Variants in RBFOX2 observed in about 807,000 individuals in gnomAD.
The protein encoded by RBFOX2 is RNA binding fox-1 homolog 2, also known as RNA binding protein fox-1 homolog 2.
Under a neutral mutation model 49.1 loss-of-function variants are expected in RBFOX2, and 10 were observed. That is an observed-to-expected ratio of 0.20 (90% CI 0.13 to 0.35). RBFOX2 has a LOEUF of 0.35. RBFOX2 is among the 10% of genes least tolerant of loss of function. The pLI is 1.00. For missense variants in RBFOX2, 323 were observed against 486.9 expected (o/e 0.66, Z 3.17); for synonymous variants, 183 against 187.4 (o/e 0.98, Z 0.19).
chr22:35,959,866 C>T (rs941931129), intron 1 of RBFOX2, among the ~76,000 whole-genome samples: 11 of 152,180 alleles, frequency 7.2e-5, no homozygotes, highest in African/African-American at 2.7e-4. Flanking sequence ...GCTCAAGTCC[C>T]TGATGTATAA....
chr22:35,769,406 C>G (rs2146674294), intron 4 of RBFOX2, among the ~76,000 whole-genome samples: 2 of 152,232 alleles, frequency 1.3e-5, no homozygotes, highest in Middle Eastern at 6.8e-3. Context: ...AGTTGACTAC[C>G]TTCACTCCGA....
intron 1 of RBFOX2, among the ~76,000 whole-genome samples, chr22:35,982,444 C>T (rs370620600): frequency 1.3e-5 from 2 of 152,036 alleles, no homozygotes; most frequent in Non-Finnish European, 2.9e-5. Context: ...GTACCAGTCT[C>T]CCTACTACAC....
intron 1 of RBFOX2, among the ~76,000 whole-genome samples, chr22:35,879,404 T>C (rs146700263): frequency 6.6e-6 from 1 of 152,248 alleles, no homozygotes; most frequent in African/African-American, 2.4e-5. Context: ...CCAGAGATTA[T>C]TTAAAGTATA....
At chr22:36,019,559 T>C (rs1432498079) in intron 1 of RBFOX2, among the ~76,000 whole-genome samples, 2 of 152,224 alleles carry the variant, frequency 1.3e-5, no homozygotes, top group African/African-American at 4.8e-5. Flanking sequence ...AGAGTATACA[T>C]TAATTCTCCC....
At position 35,897,596 on chromosome 22, in the gene RBFOX2, G is replaced by A. The variant is rs762544282; in HGVS notation, c.-34+41251C>T. On this transcript the variant is annotated intron_variant, in intron 1 of 13. Coordinates refer to the RBFOX2 transcript ENST00000359369. Reference sequence around the variant, plus strand: ...TTCACCAGGTCAAAGAGGAGATATCGATTTGGCCCAACGAAAGCAAAGGTT... The same window carrying A: ...TTCACCAGGTCAAAGAGGAGATATCAATTTGGCCCAACGAAAGCAAAGGTT... 12 of 1,084,630 alleles carry A rather than the reference G, an allele frequency of 1.1e-5. No homozygotes were observed. The African/African-American group carries it at 1.2e-4, about 11-fold the overall frequency. 67.2% of individuals were successfully genotyped at this position (1,084,630 alleles called of 1,614,324 possible). A position where few individuals can be genotyped will look rare whatever the true frequency, so the allele number is the denominator to read the frequency against.
chr22:35,772,438 G>GT (rs1317128855), intron 4 of RBFOX2, among the ~76,000 whole-genome samples: 1 of 152,034 alleles, frequency 6.6e-6, no homozygotes, highest in Admixed American at 6.6e-5. Context: ...AACATTATTA[G>GT]TGAGATGCTT....
chr22:35,744,375 A>G (rs543452659), intron 11 of RBFOX2, 126 bp from the exon 14 acceptor site: 2 of 882,434 alleles, frequency 2.3e-6, no homozygotes, highest in Middle Eastern at 3.5e-4. Context: ...CTGATCAAGC[A>G]TTGCCTTGTG....
intron 2 of RBFOX2, 53 bp downstream of exon 3, chr22:35,809,727 T>C: frequency 6.4e-7 from 1 of 1,565,704 alleles, no homozygotes; most frequent in Non-Finnish European, 8.8e-7. Context: ...AAGGCGACAA[T>C]TTCTATATGA....
upstream of RBFOX2, chr22:35,961,756 G>A (rs769252322): frequency 4.3e-5 from 51 of 1,187,230 alleles, no homozygotes; most frequent in Non-Finnish European, 5.1e-5. Context: ...CACACCACCC[G>A]CCCCAAAAAG....
intron 2 of RBFOX2, among the ~76,000 whole-genome samples, chr22:35,808,935 G>A (rs1470773773): frequency 4.6e-5 from 7 of 152,036 alleles, no homozygotes; most frequent in Non-Finnish European, 1.0e-4. Flanking sequence ...TTAGTAGTAA[G>A]AGGTGAAGTC....
intron 1 of RBFOX2, among the ~76,000 whole-genome samples, chr22:35,882,813 T>C (rs988975954): frequency 1.3e-5 from 2 of 152,224 alleles, no homozygotes; most frequent in Non-Finnish European, 2.9e-5. Context: ...CTGGTACTTA[T>C]GACTTGTAAG....
intron 1 of RBFOX2, among the ~76,000 whole-genome samples, chr22:35,812,154 T>C (rs1483869477): frequency 1.3e-5 from 2 of 151,358 alleles, no homozygotes; most frequent in Admixed American, 1.3e-4. Flanking sequence ...TCAGATATCT[T>C]GGAAGCTGAG....
chr22:35,778,158 GTTTA>G, intron 3 of RBFOX2, 80 bp from the exon 5 acceptor site: 2 of 1,187,528 alleles, frequency 1.7e-6, no homozygotes, highest in East Asian at 2.4e-5. Context: ...AATGGGAATA[GTTTA>G]TTTTTCTTCT....
intron 2 of RBFOX2, among the ~76,000 whole-genome samples, chr22:35,802,170 C>G (rs1949906488): frequency 6.6e-6 from 1 of 151,730 alleles, no homozygotes; most frequent in South Asian, 2.1e-4. Context: ...CAGAACTTGC[C>G]CTTAATCACT....
At chr22:35,939,473 G>T (rs1330064414), upstream of RBFOX2, among the ~76,000 whole-genome samples, 1 of 151,866 alleles carries the variant, frequency 6.6e-6, no homozygotes, top group Non-Finnish European at 1.5e-5. Context: ...TTTGAAATCT[G>T]GATGAAATCT....
rs903835288 is a variant in RBFOX2 at position 35,823,015 on chromosome 22, G to C, written c.28-13011C>G. Among the ~76,000 whole-genome samples, 14 of 152,138 alleles carry C rather than the reference G, an allele frequency of 9.2e-5. 1 individual carries two copies. Among genetic ancestry groups the C allele is most frequent in the South Asian group, 2.1e-4 (1 of 4,822 alleles). ...ATTTTTGCATTTTTAGTAGAGACAG[G>C]GTTTCACCATGTTGGCCAGGCTGGT... On this transcript the variant is annotated intron_variant, in intron 1 of 11. Coordinates refer to ENST00000405409, the Ensembl canonical transcript of RBFOX2.
At chr22:36,026,448 C>A (rs1316635466) in intron 1 of RBFOX2, among the ~76,000 whole-genome samples, 3 of 151,866 alleles carry the variant, frequency 2.0e-5, no homozygotes, top group Non-Finnish European at 4.4e-5. Context: ...AGTTTGAAGG[C>A]AACCAACAGA....
exon 12 of RBFOX2, chr22:35,739,741 G>A (rs891055618): frequency 3.9e-5 from 6 of 152,570 alleles, no homozygotes; most frequent in African/African-American, 1.2e-4. Flanking sequence ...GGGGTGGGGA[G>A]AGAAAAGAGA....
At chr22:35,840,546 G>A in exon 1 of RBFOX2, 1 of 1,197,904 alleles carries the variant, frequency 8.3e-7, no homozygotes, top group Non-Finnish European at 1.0e-6. Context: ...CCTCCCAGCA[G>A]GCTGACATCT....
Sources: gnomAD v4.1 joint callset for allele counts (sites outside exome capture counted in the v4.1 genomes callset) on GRCh38, gnomAD v4.1.1 for gene constraint, MANE v1.5 for transcripts, NCBI Gene and HGNC (gene_info 2026-07-23, HGNC 2026-07-21) for gene names.